ITGB3BP: variants seen among roughly 807,000 people sequenced by gnomAD.
ITGB3BP encodes centromere protein R.
A neutral mutation model predicts 29.1 loss-of-function variants in ITGB3BP; 27 were observed. The observed-to-expected ratio is 0.93, with a 90% CI of 0.68 to 1.28. The LOEUF (loss-of-function observed/expected upper bound fraction) is 1.28, where lower values mean the gene tolerates loss of function less well. Ranked by LOEUF, ITGB3BP falls within the 50% of genes most tolerant of loss-of-function variation. The probability of loss-of-function intolerance (pLI) is 0.00; values close to 1 mark genes in which losing one functional copy is unlikely to be tolerated. For missense variants in ITGB3BP, 192 were observed against 200.2 expected (o/e 0.96, Z 0.25); for synonymous variants, 61 against 61.4 (o/e 0.99, Z 0.03).
At chr1:63,500,205 C>T (rs1246846860) in intron 2 of ITGB3BP, among the ~76,000 whole-genome samples, 1 of 152,128 alleles carries the variant, frequency 6.6e-6, no homozygotes, top group African/African-American at 2.4e-5. Context: ...TGGTGAAACC[C>T]TGTCTCTACT....
In ITGB3BP at chr1:63,468,119, T is replaced by C. The variant is rs146161453; in HGVS notation, c.254+10645A>G. Reference sequence around the variant, plus strand: ...GCAAACCAGTTCATCTATTAATACATAGTAAAAAACATGGCTGCCAGTATC... The same window carrying C: ...GCAAACCAGTTCATCTATTAATACACAGTAAAAAACATGGCTGCCAGTATC... On this transcript the variant is annotated intron_variant, in intron 4 of 8. Coordinates refer to ENST00000271002, the MANE Select transcript of ITGB3BP (RefSeq NM_014288.5). Among the ~76,000 whole-genome samples, 367 of 152,278 alleles carry C rather than the reference T, an allele frequency of 2.4e-3. 1 individual carries two copies. The highest frequency in any genetic ancestry group is 8.3e-3 in the African/African-American group (347 of 41,564).
At chr1:63,522,981 A>T in intron 1 of ITGB3BP, 148 bp downstream of exon 1, 1 of 889,854 alleles carries the variant, frequency 1.1e-6, no homozygotes, top group Non-Finnish European at 1.9e-6. Flanking sequence ...AGTTGAGGGT[A>T]CCAAGCGAAG....
chr1:63,449,977 G>A (rs1013525352), intron 7 of ITGB3BP, among the ~76,000 whole-genome samples: 12 of 152,018 alleles, frequency 7.9e-5, no homozygotes, highest in African/African-American at 2.9e-4. Flanking sequence ...ATACTTCAGT[G>A]GGTGGTTAGA....
chr1:63,452,410 T>G (rs1450849520), intron 7 of ITGB3BP, among the ~76,000 whole-genome samples: 1 of 152,094 alleles, frequency 6.6e-6, no homozygotes, highest in Non-Finnish European at 1.5e-5. Context: ...AATAAACACT[T>G]TGCTTTCCTA....
chr1:63,501,018 A>G (rs942173978), intron 2 of ITGB3BP, among the ~76,000 whole-genome samples: 2 of 152,232 alleles, frequency 1.3e-5, no homozygotes, highest in Non-Finnish European at 2.9e-5. Flanking sequence ...ATTTATGATC[A>G]CTTGATTTTT....
intron 4 of ITGB3BP, among the ~76,000 whole-genome samples, chr1:63,461,905 C>G (rs1645024386): frequency 6.6e-6 from 1 of 152,198 alleles, no homozygotes; most frequent in South Asian, 2.1e-4. Flanking sequence ...AAATATGAGT[C>G]TTCCAACTTT....
intron 4 of ITGB3BP, among the ~76,000 whole-genome samples, chr1:63,470,506 C>A (rs1467632778): frequency 1.3e-5 from 2 of 152,202 alleles, no homozygotes; most frequent in Non-Finnish European, 2.9e-5. Context: ...ATACTTCATA[C>A]AAATGGAATT....
rs559774534 is a variant in ITGB3BP at position 63,461,469 on chromosome 1, G to A, written c.255-6501C>T. Among the ~76,000 whole-genome samples, 4 of 152,050 alleles carry A rather than the reference G, an allele frequency of 2.6e-5. No homozygotes were observed. In the East Asian group the frequency reaches 7.7e-4, roughly 29 times the overall value. ...TTGAAACACAAAAGCTTTTACTTTTGATAAAGTCAAATTTATTTTTTCTTT... is the reference window on the plus strand; with the variant it reads ...TTGAAACACAAAAGCTTTTACTTTTAATAAAGTCAAATTTATTTTTTCTTT... On this transcript the variant is annotated intron_variant, in intron 4 of 8. Coordinates refer to ENST00000271002, the MANE Select transcript of ITGB3BP (RefSeq NM_014288.5).
chr1:63,514,926 C>T (rs1350026405), intron 1 of ITGB3BP, among the ~76,000 whole-genome samples: 27 of 118,842 alleles, frequency 2.3e-4, no homozygotes. Flanking sequence ...AGCCTGGTGA[C>T]AGAGCGAGAC....
upstream of ITGB3BP, chr1:63,523,551 C>G (rs1485343214): frequency 7.9e-6 from 2 of 252,882 alleles, no homozygotes; most frequent in East Asian, 1.9e-4. Context: ...AGAGAAAGGC[C>G]GAGATCTGTC....
At chr1:63,447,933 A>T (rs1176338053) in intron 7 of ITGB3BP, 6 of 206,958 alleles carry the variant, frequency 2.9e-5, no homozygotes, top group African/African-American at 1.2e-4. Flanking sequence ...CCAACCCAAA[A>T]GTCCAACAAT....
At chr1:63,473,087 C>T (rs1199364632) in intron 4 of ITGB3BP, among the ~76,000 whole-genome samples, 4 of 151,336 alleles carry the variant, frequency 2.6e-5, no homozygotes, top group Admixed American at 6.6e-5. Flanking sequence ...TCTGCCCGGC[C>T]GCCCATCGTC....
At chr1:63,485,623 T>TA (rs1170059545) in intron 3 of ITGB3BP, among the ~76,000 whole-genome samples, 1 of 152,112 alleles carries the variant, frequency 6.6e-6, no homozygotes, top group African/African-American at 2.4e-5. Flanking sequence ...CTTTACCTCT[T>TA]AGAGAAGTAA....
At position 63,503,078 on chromosome 1, in the gene ITGB3BP, A is replaced by C. The variant is rs1236769472; in HGVS notation, c.48+5450T>G. On this transcript the variant is annotated intron_variant, in intron 2 of 8. Transcript: ENST00000271002. Reference sequence around the variant, plus strand: ...TGGTATTTCTAGTTCTAGATCCCTGAGGAATCGCCACACTGACTTCCACAA... The same window carrying C: ...TGGTATTTCTAGTTCTAGATCCCTGCGGAATCGCCACACTGACTTCCACAA... 3.3e-5 allele frequency among the ~76,000 whole-genome samples: 5 copies of C among 152,294 alleles called. No homozygotes were observed. In the East Asian group the frequency reaches 9.6e-4, roughly 29 times the overall value.
chr1:63,469,119 A>C (rs1001501693), intron 4 of ITGB3BP, among the ~76,000 whole-genome samples: 4 of 151,546 alleles, frequency 2.6e-5, no homozygotes, highest in African/African-American at 9.7e-5. Flanking sequence ...TCTAAATGTC[A>C]GTTTCTTCAC....
upstream of ITGB3BP, among the ~76,000 whole-genome samples, chr1:63,528,171 C>T (rs745759639): frequency 4.6e-5 from 7 of 152,002 alleles, no homozygotes; most frequent in Non-Finnish European, 8.8e-5. Flanking sequence ...TTGGAAGCAA[C>T]GTAAGAGTTC....
chr1:63,475,693 A>G (rs537465760), intron 4 of ITGB3BP, among the ~76,000 whole-genome samples: 171 of 152,324 alleles, frequency 1.1e-3, no homozygotes, highest in Middle Eastern at 6.8e-3. Flanking sequence ...AATGAATGAA[A>G]AAAACAATCA....
chr1:63,453,866 C>T (rs1570129274), intron 7 of ITGB3BP, 52 bp downstream of exon 7: 2 of 1,098,198 alleles, frequency 1.8e-6, no homozygotes, highest in Non-Finnish European at 2.8e-6. Context: ...TTTTAATTGG[C>T]AAAATGGGAT....
At chr1:63,461,746 T>C (rs571863967) in intron 4 of ITGB3BP, among the ~76,000 whole-genome samples, 110 of 152,240 alleles carry the variant, frequency 7.2e-4, no homozygotes, top group Admixed American at 2.4e-3. Context: ...TTAAATAAAC[T>C]TGGCCTCCTT....
Sources: allele counts gnomAD v4.1 joint callset (sites outside exome capture counted in the v4.1 genomes callset), GRCh38; gene constraint gnomAD v4.1.1; transcripts MANE v1.5; gene names NCBI Gene and HGNC (gene_info 2026-07-23, HGNC 2026-07-21).